The following XKR4 variants were observed in gnomAD, a reference collection of about 807,000 sequenced individuals.
XKR4 encodes XK-related protein 4.
In XKR4, 12 loss-of-function variants were observed where a neutral mutation model predicts 53.9. The ratio of observed to expected loss-of-function variants is 0.22; its 90% CI spans 0.14 to 0.36. The LOEUF (loss-of-function observed/expected upper bound fraction) is 0.36. Among genes scored for constraint, XKR4 ranks in the 10% least tolerant of loss-of-function variants. XKR4 has a pLI of 1.00. For synonymous variants in XKR4, 354 were observed against 362.4 expected (o/e 0.98, Z 0.26); for missense variants, 799 against 859.5 (o/e 0.93, Z 0.88).
At position 55,128,826 on chromosome 8, in the gene XKR4, G is replaced by T. The variant is rs533152290; in HGVS notation, c.806+25532G>T. The stretch of plus-strand genomic sequence containing the variant: ...AATGAATGACACAGGTAATCAAAGT[G>T]CAAATGGCACCTGCTGTCATCCATG... On this transcript the variant is annotated intron_variant, in intron 1 of 2. Coordinates refer to ENST00000327381, the MANE Select transcript of XKR4 (RefSeq NM_052898.2). 8.7e-5 allele frequency among the ~76,000 whole-genome samples: 13 copies of T among 148,690 alleles called. No homozygotes were observed. The South Asian group carries it at 2.7e-3, about 31-fold the overall frequency.
chr8:55,486,394 G>A (rs1264148311), intron 2 of XKR4, among the ~76,000 whole-genome samples: 1 of 152,222 alleles, frequency 6.6e-6, no homozygotes, highest in African/African-American at 2.4e-5. Flanking sequence ...TATTGAGGAA[G>A]TTTTAATGTT....
chr8:55,356,541 T>C (rs902834999), intron 1 of XKR4, among the ~76,000 whole-genome samples: 2 of 152,184 alleles, frequency 1.3e-5, no homozygotes, highest in Non-Finnish European at 2.9e-5. Context: ...TAAAAAATTG[T>C]GATAATCAGG....
At chr8:55,259,165 G>A (rs1482423783) in intron 1 of XKR4, among the ~76,000 whole-genome samples, 1 of 152,170 alleles carries the variant, frequency 6.6e-6, no homozygotes, top group Non-Finnish European at 1.5e-5. Flanking sequence ...TCATAGCACC[G>A]GCATCCACTG....
At chr8:55,272,855 T>C in intron 1 of XKR4, 1 of 435,858 alleles carries the variant, frequency 2.3e-6, no homozygotes, top group Middle Eastern at 3.4e-4. Context: ...TAAATTTTAA[T>C]TAGCTGTAGA....
chr8:55,320,882 T>C (rs1803199923), intron 1 of XKR4, among the ~76,000 whole-genome samples: 1 of 152,122 alleles, frequency 6.6e-6, no homozygotes, highest in African/African-American at 2.4e-5. Context: ...TGTGTCTCCC[T>C]CTAAATTTAA....
At chr8:55,258,282 G>A (rs960633281) in intron 1 of XKR4, among the ~76,000 whole-genome samples, 5 of 152,216 alleles carry the variant, frequency 3.3e-5, no homozygotes, top group African/African-American at 7.2e-5. Context: ...GCATCCTCAC[G>A]TGTAGAGGAG....
chr8:55,184,815 A>G (rs1817355028), intron 1 of XKR4, among the ~76,000 whole-genome samples: 1 of 152,176 alleles, frequency 6.6e-6, no homozygotes, highest in Admixed American at 6.5e-5. Flanking sequence ...GTGTTTAGGT[A>G]ATATAAATTA....
chr8:55,119,938 G>A (rs947057737), intron 1 of XKR4, among the ~76,000 whole-genome samples: 4 of 152,166 alleles, frequency 2.6e-5, no homozygotes, highest in Admixed American at 2.6e-4. Flanking sequence ...AAGATGCTCT[G>A]TAAATGCAGG....
At chr8:55,490,137 C>T (rs1806251085) in intron 2 of XKR4, among the ~76,000 whole-genome samples, 1 of 152,182 alleles carries the variant, frequency 6.6e-6, no homozygotes, top group Non-Finnish European at 1.5e-5. Context: ...TTCCCTACAA[C>T]ATAAACTGTC....
rs371391534 is a variant in XKR4, at chr8:55,410,244, A to G, written c.1006+52367A>G. 6.6e-5 allele frequency among the ~76,000 whole-genome samples: 10 copies of G among 152,016 alleles called. No homozygotes were observed. The South Asian group carries it at 1.5e-3, about 22-fold the overall frequency. On this transcript the variant is annotated intron_variant, in intron 2 of 2. Coordinates refer to ENST00000327381, the MANE Select transcript of XKR4 (RefSeq NM_052898.2). ...CTGCTCGCTGCCAGAAGGTACTCCA[A>G]TCGGCCTCATCCTTGTCTCCTCCCT...
At chr8:55,508,081 C>G (rs1275661195) in intron 2 of XKR4, among the ~76,000 whole-genome samples, 1 of 152,082 alleles carries the variant, frequency 6.6e-6, no homozygotes, top group East Asian at 1.9e-4. Flanking sequence ...TGAGAAATTA[C>G]TGTTCTTTTA....
At chr8:55,367,812 G>A (rs1040899877) in intron 2 of XKR4, among the ~76,000 whole-genome samples, 13 of 152,006 alleles carry the variant, frequency 8.6e-5, no homozygotes, top group East Asian at 5.8e-4. Flanking sequence ...TCCCAAATCC[G>A]ACCACCCTTT....
At chr8:55,115,723 A>G (rs1224479704) in intron 1 of XKR4, among the ~76,000 whole-genome samples, 1 of 152,028 alleles carries the variant, frequency 6.6e-6, no homozygotes, top group Non-Finnish European at 1.5e-5. Context: ...TGGAGGTTGC[A>G]GTGAGCCGAG....
At chr8:55,421,770 G>A (rs1479035251) in intron 2 of XKR4, among the ~76,000 whole-genome samples, 1 of 152,190 alleles carries the variant, frequency 6.6e-6, no homozygotes, top group East Asian at 1.9e-4. Context: ...ACATCTGTGT[G>A]TATAGTGAGT....
chr8:55,407,077 C>T (rs578204849), intron 2 of XKR4, among the ~76,000 whole-genome samples: 15 of 152,248 alleles, frequency 9.9e-5, no homozygotes, highest in African/African-American at 3.1e-4. Context: ...CCTCTCCAGC[C>T]AGCAAACCCC....
rs1554572242 is a variant in XKR4 at position 55,247,861 on chromosome 8, T to TC, written c.807-109817_807-109816insC. Reference sequence around the variant, plus strand: ...TTTCTTTCTTTCTTTCTTTCTTTTTTTTTTTTTTTTTTTGAGACAGAGTCT... The same window carrying TC: ...TTTCTTTCTTTCTTTCTTTCTTTTTTCTTTTTTTTTTTTTGAGACAGAGTCT... On this transcript the variant is annotated intron_variant, in intron 1 of 2. Coordinates refer to ENST00000327381, the MANE Select transcript of XKR4 (RefSeq NM_052898.2). Among the ~76,000 whole-genome samples the TC allele has an allele frequency of 7.6e-3, 813 of 107,152 alleles. 4 individuals are homozygous for TC. The highest frequency in any genetic ancestry group is 9.2e-3 in the Non-Finnish European group (430 of 46,770). The allele number at this position is 107,152 out of a possible 152,430, so 70.3% of individuals were successfully genotyped here.
chr8:55,459,770 C>T (rs996739503), intron 2 of XKR4, among the ~76,000 whole-genome samples: 5 of 152,030 alleles, frequency 3.3e-5, no homozygotes, highest in African/African-American at 1.2e-4. Context: ...ATTGACAATA[C>T]CAGGTGTTGG....
intron 1 of XKR4, among the ~76,000 whole-genome samples, chr8:55,151,532 A>T (rs113366851): frequency 4.7e-4 from 71 of 152,346 alleles, no homozygotes; most frequent in African/African-American, 1.7e-3. Flanking sequence ...TAGCTATATG[A>T]CAAAAAATAG....
intron 1 of XKR4, among the ~76,000 whole-genome samples, chr8:55,224,260 C>T (rs1488064792): frequency 2.6e-5 from 4 of 151,976 alleles, no homozygotes; most frequent in Admixed American, 6.6e-5. Context: ...AAATTAGTTC[C>T]AATTAATCGA....
Sources: allele counts gnomAD v4.1 joint callset (sites outside exome capture counted in the v4.1 genomes callset), GRCh38; gene constraint gnomAD v4.1.1; transcripts MANE v1.5; gene names NCBI Gene and HGNC (gene_info 2026-07-23, HGNC 2026-07-21).